ESR1: variants seen among roughly 807,000 people sequenced by gnomAD.
ESR1 encodes the protein estrogen receptor 1, also known as estrogen receptor.
In ESR1, 12 loss-of-function variants were observed where a neutral mutation model predicts 52.7. The ratio of observed to expected loss-of-function variants is 0.23; its 90% CI spans 0.15 to 0.37. The LOEUF is 0.37. ESR1 is among the 10% of genes least tolerant of loss of function. The pLI, the probability that ESR1 is intolerant of heterozygous loss-of-function variation, is 1.00. For synonymous variants in ESR1, 305 were observed against 316.8 expected (o/e 0.96, Z 0.39); for missense variants, 584 against 779.7 (o/e 0.75, Z 2.99).
chr6:151,890,147 C>T (rs1562517388), intron 3 of ESR1, among the ~76,000 whole-genome samples: 1 of 150,608 alleles, frequency 6.6e-6, no homozygotes, highest in Non-Finnish European at 1.5e-5. Context: ...TGCACTGGCT[C>T]AATCTTGGTT....
At chr6:152,016,491 G>A (rs1380566357) in intron 5 of ESR1, among the ~76,000 whole-genome samples, 1 of 151,988 alleles carries the variant, frequency 6.6e-6, no homozygotes, top group African/African-American at 2.4e-5. Context: ...GGTGTTTGAG[G>A]ATAACTGCTT....
intron 4 of ESR1, among the ~76,000 whole-genome samples, chr6:151,944,895 A>G (rs1179356694): frequency 6.6e-6 from 1 of 152,196 alleles, no homozygotes; most frequent in African/African-American, 2.4e-5. Context: ...AAACATCTCA[A>G]TTATTAATCA....
intron 4 of ESR1, among the ~76,000 whole-genome samples, chr6:152,000,175 C>T (rs1562652211): frequency 6.6e-6 from 1 of 151,948 alleles, no homozygotes; most frequent in Non-Finnish European, 1.5e-5. Flanking sequence ...GATAGTGTTA[C>T]CATTCTCATT....
chr6:151,886,660 G>A (rs941633242), intron 3 of ESR1, among the ~76,000 whole-genome samples: 65 of 152,170 alleles, frequency 4.3e-4, no homozygotes, highest in African/African-American at 1.2e-3. Context: ...ATGAGTTATC[G>A]TAATTTGCTT....
At chr6:151,696,387 G>A (rs1051007138) in intron 1 of ESR1, among the ~76,000 whole-genome samples, 3 of 151,864 alleles carry the variant, frequency 2.0e-5, no homozygotes, top group East Asian at 1.9e-4. Flanking sequence ...CAGGAGATTC[G>A]CTTGAACCTG....
chr6:151,700,369 T>C (rs1779679307), intron 1 of ESR1, among the ~76,000 whole-genome samples: 1 of 152,220 alleles, frequency 6.6e-6, no homozygotes, highest in African/African-American at 2.4e-5. Context: ...CTCTGACCTT[T>C]ATCATTTCCT....
At chr6:151,983,934 C>T (rs1165124050) in intron 4 of ESR1, 1 of 152,044 alleles carries the variant, frequency 6.6e-6, no homozygotes, top group African/African-American at 2.4e-5. Context: ...TTTTAAATTT[C>T]AAGTCCCTGG....
chr6:151,660,860 C>A (rs887109347), intron 1 of ESR1, among the ~76,000 whole-genome samples: 3 of 152,132 alleles, frequency 2.0e-5, no homozygotes, highest in East Asian at 3.8e-4. Flanking sequence ...GCTTTTAAAC[C>A]TTTCGCACTC....
rs144603408 is a variant in ESR1 at position 151,759,094 on chromosome 6, G to T, written c.-70-48749G>T. On this transcript the variant is annotated intron_variant, in intron 2 of 2. Transcript: ENST00000404742. Reference sequence around the variant, plus strand: ...GATCAAGACAATCCTGGCCAACATGGTGACACTCTGTCTCTACTAAAACCA... The same window carrying T: ...GATCAAGACAATCCTGGCCAACATGTTGACACTCTGTCTCTACTAAAACCA... Among the ~76,000 whole-genome samples the T allele has an allele frequency of 1.6e-4, 24 of 151,684 alleles. No individual in the cohort carries two copies. The East Asian group carries it at 4.7e-3, about 30-fold the overall frequency.
chr6:151,952,663 A>G (rs1272917881), intron 4 of ESR1, among the ~76,000 whole-genome samples: 1 of 151,838 alleles, frequency 6.6e-6, no homozygotes, highest in Admixed American at 6.6e-5. Flanking sequence ...CACAATAATA[A>G]CTCTTAATTA....
Position 151,903,297 on chromosome 6 carries a change from G to C in ESR1, c.760+22526G>C, listed in dbSNP as rs140484729. On this transcript the variant is annotated intron_variant, in intron 3 of 7. Transcript: ENST00000206249. ...TAATCAGAAAGTTAGGTGAGCTGCT[G>C]TCTCAGCTCCTGTGTTAATCCAGGT... 5.1e-3 allele frequency among the ~76,000 whole-genome samples: 782 copies of C among 152,250 alleles called. 6 individuals carry two copies. The highest frequency in any genetic ancestry group is 0.014 in the African/African-American group (590 of 41,534).
At chr6:151,682,087 A>G (rs1333414694) in intron 1 of ESR1, among the ~76,000 whole-genome samples, 1 of 152,226 alleles carries the variant, frequency 6.6e-6, no homozygotes, top group Non-Finnish European at 1.5e-5. Context: ...CGGATGCTTT[A>G]GTATTCAACC....
chr6:151,937,137 A>T (rs1352361420), intron 3 of ESR1, among the ~76,000 whole-genome samples: 1 of 152,222 alleles, frequency 6.6e-6, no homozygotes, highest in African/African-American at 2.4e-5. Flanking sequence ...GAAATTCATG[A>T]ATCTTAGAGT....
At chr6:151,997,852 A>G (rs1005218728) in intron 4 of ESR1, among the ~76,000 whole-genome samples, 5 of 152,146 alleles carry the variant, frequency 3.3e-5, no homozygotes, top group Non-Finnish European at 7.4e-5. Context: ...GAAAATCTTT[A>G]AAGATGCTAC....
intron 5 of ESR1, among the ~76,000 whole-genome samples, chr6:152,040,827 C>T (rs547460102): frequency 6.6e-6 from 1 of 152,262 alleles, no homozygotes; most frequent in South Asian, 2.1e-4. Context: ...TCAGTGCAGG[C>T]TGGGGGAGAG....
At chr6:151,669,968 A>C (rs1777991682) in intron 1 of ESR1, among the ~76,000 whole-genome samples, 1 of 152,190 alleles carries the variant, frequency 6.6e-6, no homozygotes, top group Non-Finnish European at 1.5e-5. Flanking sequence ...AAAGTACGGG[A>C]GTAAGTGCAT....
chr6:151,857,363 T>C (rs1788033282), intron 2 of ESR1, among the ~76,000 whole-genome samples: 1 of 152,062 alleles, frequency 6.6e-6, no homozygotes, highest in Non-Finnish European at 1.5e-5. Flanking sequence ...TCATTTTATA[T>C]AAGGGACTTA....
intron 6 of ESR1, among the ~76,000 whole-genome samples, chr6:152,111,956 A>G (rs2051151627): frequency 6.6e-6 from 1 of 152,246 alleles, no homozygotes; most frequent in Non-Finnish European, 1.5e-5. Context: ...ATTTATTACT[A>G]AATATTTTTA....
chr6:152,019,089 TAAGCTG>T (rs1423046520), intron 5 of ESR1, among the ~76,000 whole-genome samples: 2 of 152,178 alleles, frequency 1.3e-5, no homozygotes, highest in Non-Finnish European at 1.5e-5. Context: ...TATGAAACTG[TAAGCTG>T]TTTAGGAGAA....
Sources: gnomAD v4.1 joint callset for allele counts (sites outside exome capture counted in the v4.1 genomes callset) on GRCh38, gnomAD v4.1.1 for gene constraint, MANE v1.5 for transcripts, NCBI Gene and HGNC (gene_info 2026-07-23, HGNC 2026-07-21) for gene names.